Variants in TOX2 observed in about 807,000 individuals in gnomAD.
The protein encoded by TOX2 is granulosa cell HMG box 1.
Under a neutral mutation model 47.4 loss-of-function variants are expected in TOX2, and 15 were observed. The ratio of observed to expected loss-of-function variants is 0.32; its 90% CI spans 0.21 to 0.49. The LOEUF (loss-of-function observed/expected upper bound fraction) is 0.49, where lower values mean the gene tolerates loss of function less well. TOX2 is among the 20% of genes least tolerant of loss of function. The probability of loss-of-function intolerance (pLI) is 0.99; values close to 1 mark genes in which losing one functional copy is unlikely to be tolerated. For missense variants in TOX2, 622 were observed against 673.1 expected (o/e 0.92, Z 0.84); for synonymous variants, 290 against 296.6 (o/e 0.98, Z 0.23).
chr20:43,954,787 A>T (rs925473692), intron 1 of TOX2, among the ~76,000 whole-genome samples: 5 of 152,192 alleles, frequency 3.3e-5, no homozygotes, highest in African/African-American at 9.6e-5. Context: ...GGGAGGATCC[A>T]CGAGGGTGTG....
intron 1 of TOX2, among the ~76,000 whole-genome samples, chr20:43,930,612 G>GTATCT (rs777607676): frequency 4.9e-4 from 75 of 152,132 alleles, no homozygotes; most frequent in Non-Finnish European, 9.0e-4. Context: ...CAGTTGCTTG[G>GTATCT]GCTGGGGTAT....
chr20:43,948,467 G>C (rs919488580), intron 1 of TOX2, among the ~76,000 whole-genome samples: 1 of 152,274 alleles, frequency 6.6e-6, no homozygotes, highest in South Asian at 2.1e-4. Context: ...TCCTTTCCTC[G>C]GCCGGCGGCA....
chr20:43,935,448 C>A (rs756197770), intron 1 of TOX2, among the ~76,000 whole-genome samples: 2 of 152,148 alleles, frequency 1.3e-5, no homozygotes, highest in Admixed American at 6.5e-5. Context: ...GGGGCGGGGA[C>A]GAGGAGGAAC....
chr20:44,037,164 G>A (rs568189666), intron 3 of TOX2, among the ~76,000 whole-genome samples: 19 of 152,290 alleles, frequency 1.2e-4, no homozygotes, highest in Admixed American at 3.9e-4. Flanking sequence ...ATGTTGGTCA[G>A]GCTGGTCTTG....
chr20:43,983,925 G>T (rs2145515652), intron 2 of TOX2, among the ~76,000 whole-genome samples: 1 of 152,346 alleles, frequency 6.6e-6, no homozygotes, highest in African/African-American at 2.4e-5. Flanking sequence ...TGTATTGGAG[G>T]CAGGCGACCC....
chr20:43,919,034 G>A (rs959449969), intron 1 of TOX2, among the ~76,000 whole-genome samples: 3 of 152,292 alleles, frequency 2.0e-5, no homozygotes, highest in African/African-American at 7.2e-5. Flanking sequence ...CTTCGTCCCT[G>A]GACTGAAGGG....
chr20:43,921,515 G>A (rs1330660352), intron 1 of TOX2, among the ~76,000 whole-genome samples: 4 of 152,146 alleles, frequency 2.6e-5, no homozygotes, highest in Non-Finnish European at 4.4e-5. Context: ...CCATGTATGT[G>A]TAGCACTTGG....
At chr20:44,046,550 C>A (rs1393609814) in intron 3 of TOX2, among the ~76,000 whole-genome samples, 1 of 152,174 alleles carries the variant, frequency 6.6e-6, no homozygotes, top group Non-Finnish European at 1.5e-5. Flanking sequence ...CAACCAACTG[C>A]CTACCAGCAG....
intron 3 of TOX2, among the ~76,000 whole-genome samples, chr20:44,014,003 G>A (rs2070827867): frequency 6.6e-6 from 1 of 151,890 alleles, no homozygotes; most frequent in Non-Finnish European, 1.5e-5. Flanking sequence ...AGTGGCTTGC[G>A]CCTGTGGTCC....
chr20:43,943,877 C>T (rs536908817), intron 1 of TOX2, among the ~76,000 whole-genome samples: 9 of 150,864 alleles, frequency 6.0e-5, no homozygotes, highest in African/African-American at 2.2e-4. Context: ...ATCCAATCCT[C>T]TATCGATGGA....
At chr20:43,952,589 A>AG (rs368618540) in intron 1 of TOX2, among the ~76,000 whole-genome samples, 6 of 152,296 alleles carry the variant, frequency 3.9e-5, no homozygotes, top group African/African-American at 1.4e-4. Context: ...TTCTACCCAG[A>AG]GGAGACCCAC....
At chr20:43,929,652 G>C (rs1271956371) in intron 1 of TOX2, among the ~76,000 whole-genome samples, 3 of 152,042 alleles carry the variant, frequency 2.0e-5, no homozygotes, top group African/African-American at 7.3e-5. Context: ...CATCTGTGCA[G>C]TTGTCTTTCT....
At chr20:43,972,567 C>T (rs1026892118) in intron 1 of TOX2, among the ~76,000 whole-genome samples, 1 of 152,228 alleles carries the variant, frequency 6.6e-6, no homozygotes, top group African/African-American at 2.4e-5. Flanking sequence ...GAGTCAAGTG[C>T]TCTACAGTGC....
At chr20:43,997,327 T>C (rs938519321) in intron 2 of TOX2, among the ~76,000 whole-genome samples, 4 of 152,188 alleles carry the variant, frequency 2.6e-5, no homozygotes, top group African/African-American at 9.7e-5. Flanking sequence ...ATACAGCAGG[T>C]TGATAAAATC....
At position 43,915,489 on chromosome 20, in the gene TOX2, G is replaced by A. The variant is rs2069045138; in HGVS notation, c.99+499G>A. Among the ~76,000 whole-genome samples, 1 of 151,970 alleles carries A rather than the reference G, an allele frequency of 6.6e-6. No individual in the cohort carries two copies. The highest frequency in any genetic ancestry group is 6.6e-5 in the Admixed American group (1 of 15,252). Reference sequence around the variant, plus strand: ...CAACGGGGGACAGTCACACAAAGAAGTCGCCCGACAGTCACACTCTCGCAG... The same window carrying A: ...CAACGGGGGACAGTCACACAAAGAAATCGCCCGACAGTCACACTCTCGCAG... On this transcript the variant is annotated intron_variant, in intron 1 of 8. Coordinates refer to ENST00000341197, the MANE Select transcript of TOX2 (RefSeq NM_001098797.2). This position sits in a 1 kb window ranked among gnomAD's most constrained non-coding sequence, Gnocchi z 7.1.
chr20:44,022,240 C>T lies in TOX2; in HGVS notation c.411+15448C>T, dbSNP rs73292461. Among the ~76,000 whole-genome samples, 548 of 152,232 alleles carry T rather than the reference C, an allele frequency of 3.6e-3. 1 individual carries two copies. Among genetic ancestry groups the T allele is most frequent in the African/African-American group, 0.012 (518 of 41,546 alleles). ...TCACTGGCCTTGGACTTGGAGAGAA[C>T]TGGATTTTGAGTTTCTCCAGCTACA... On this transcript the variant is annotated intron_variant, in intron 3 of 8. Coordinates refer to ENST00000341197, the MANE Select transcript of TOX2 (RefSeq NM_001098797.2).
chr20:44,021,092 C>A (rs1295429637), intron 3 of TOX2, among the ~76,000 whole-genome samples: 2 of 152,064 alleles, frequency 1.3e-5, no homozygotes, highest in Non-Finnish European at 2.9e-5. Flanking sequence ...GCACCAAGGG[C>A]CTAAGAAGAA....
At chr20:43,969,611 G>A (rs549112571) in intron 1 of TOX2, among the ~76,000 whole-genome samples, 36 of 152,358 alleles carry the variant, frequency 2.4e-4, no homozygotes, top group African/African-American at 7.7e-4. Flanking sequence ...CAAGGGCTCC[G>A]ATGTGGTGGA....
intron 3 of TOX2, among the ~76,000 whole-genome samples, chr20:44,048,916 C>G (rs1304962130): frequency 1.3e-5 from 2 of 152,236 alleles, no homozygotes; most frequent in African/African-American, 4.8e-5. Context: ...GTGGGCAGAT[C>G]ACTTGAGGTC....
Sources: allele counts gnomAD v4.1 joint callset (sites outside exome capture counted in the v4.1 genomes callset), GRCh38; gene constraint gnomAD v4.1.1; non-coding constraint Gnocchi (gnomAD v3.1); transcripts MANE v1.5; gene names NCBI Gene and HGNC (gene_info 2026-07-23, HGNC 2026-07-21).